CASK: variants seen among roughly 807,000 people sequenced by gnomAD.
CASK encodes calcium/calmodulin dependent serine protein kinase, also known as peripheral plasma membrane protein CASK.
A neutral mutation model predicts 82.9 loss-of-function variants in CASK; 4 were observed. The ratio of observed to expected loss-of-function variants is 0.05; its 90% CI spans 0.02 to 0.11. The LOEUF is 0.11. Among genes scored for constraint, CASK ranks in the 10% least tolerant of loss-of-function variants. The probability of loss-of-function intolerance (pLI) is 1.00; values close to 1 mark genes in which losing one functional copy is unlikely to be tolerated. For synonymous variants in CASK, 259 were observed against 253.5 expected (o/e 1.02, Z -0.20); for missense variants, 358 against 720.9 (o/e 0.50, Z 5.76).
intron 25 of CASK, among the ~76,000 whole-genome samples, chrX:41,525,889 T>C (rs1000228959): frequency 8.9e-6 from 1 of 111,829 alleles, no homozygotes; most frequent in African/African-American, 3.3e-5. Context: ...CATCTTCTTG[T>C]GGGTTGAGGG....
chrX:41,707,105 A>T (rs749771142), intron 5 of CASK, among the ~76,000 whole-genome samples: 1 of 112,167 alleles, frequency 8.9e-6, no homozygotes, highest in African/African-American at 3.2e-5. Context: ...ATTGCCCCCA[A>T]TTCCTGGCCA....
intron 12 of CASK, among the ~76,000 whole-genome samples, chrX:41,602,919 C>G (rs2065913378): frequency 9.0e-6 from 1 of 111,172 alleles, no homozygotes. Context: ...AGTTAGAAAA[C>G]AGTGGAGAGA....
intron 5 of CASK, among the ~76,000 whole-genome samples, chrX:41,686,438 A>G (rs2067442263): frequency 1.1e-5 from 1 of 90,453 alleles, no homozygotes; most frequent in Admixed American, 1.3e-4. Context: ...AGGTTTTGCT[A>G]TGTTGCCCAG....
At chrX:41,873,488 T>C (rs1391716514) in intron 1 of CASK, among the ~76,000 whole-genome samples, 1 of 110,695 alleles carries the variant, frequency 9.0e-6, no homozygotes, top group African/African-American at 3.3e-5. Flanking sequence ...GTAATTAGAG[T>C]TTCCTCAAAC....
At chrX:41,751,954 G>A (rs1325701920) in intron 3 of CASK, among the ~76,000 whole-genome samples, 1 of 108,486 alleles carries the variant, frequency 9.2e-6, no homozygotes, top group African/African-American at 3.4e-5. Flanking sequence ...GCTGAGGTGG[G>A]AGGATCGCTT....
At chrX:41,710,372 T>C (rs1569412874) in intron 5 of CASK, among the ~76,000 whole-genome samples, 1 of 111,022 alleles carries the variant, frequency 9.0e-6, no homozygotes, top group South Asian at 3.8e-4. Flanking sequence ...TCCCCTATTC[T>C]AAACCTGCTA....
intron 5 of CASK, among the ~76,000 whole-genome samples, chrX:41,718,511 T>A (rs2068102822): frequency 8.9e-6 from 1 of 112,075 alleles, no homozygotes; most frequent in African/African-American, 3.2e-5. Flanking sequence ...AGAATAGAAC[T>A]GAATTAGAGG....
chrX:41,783,964 A>G (rs962262911), intron 3 of CASK, among the ~76,000 whole-genome samples: 4 of 112,367 alleles, frequency 3.6e-5, no homozygotes, highest in African/African-American at 1.3e-4. Context: ...AGTCTTTTCA[A>G]CAGCTCTTCT....
At chrX:41,833,058 G>C (rs1480788820) in intron 2 of CASK, among the ~76,000 whole-genome samples, 1 of 112,399 alleles carries the variant, frequency 8.9e-6, no homozygotes, top group Non-Finnish European at 1.9e-5. Flanking sequence ...AGCTGGGAAT[G>C]TGCATGTTGA....
intron 3 of CASK, among the ~76,000 whole-genome samples, chrX:41,754,354 C>A (rs2147759112): frequency 9.0e-6 from 1 of 111,293 alleles, no homozygotes; most frequent in South Asian, 3.8e-4. Context: ...TGAGCCATGA[C>A]TGCACCACTA....
chrX:41,599,495 C>T (rs1183509472), intron 12 of CASK, among the ~76,000 whole-genome samples: 1 of 112,150 alleles, frequency 8.9e-6, no homozygotes, highest in Admixed American at 9.4e-5. Flanking sequence ...AGCAAAAGAA[C>T]CTCTAAGGAG....
intron 1 of CASK, among the ~76,000 whole-genome samples, chrX:41,858,273 C>T (rs978306144): frequency 2.7e-5 from 3 of 112,190 alleles, no homozygotes; most frequent in African/African-American, 9.7e-5. Flanking sequence ...TCCACTGCCA[C>T]GGGCCACCTT....
At position 41,526,375 on chromosome X, in the gene CASK, A is replaced by G. The variant is rs111419984; in HGVS notation, c.2521-2341T>C. Among the ~76,000 whole-genome samples the G allele has an allele frequency of 5.5e-3, 614 of 112,270 alleles. 3 individuals are homozygous for G. The highest frequency in any genetic ancestry group is 0.019 in the African/African-American group (587 of 30,906). On this transcript the variant is annotated intron_variant, in intron 25 of 26. Transcript: ENST00000378163. ...AGCCTGGATGCTGAACGGAACCCAC[A>G]GATGAAGTAGAGAATGACACCCTGG...
At chrX:41,674,483 G>A (rs1390432467) in intron 5 of CASK, among the ~76,000 whole-genome samples, 1 of 111,628 alleles carries the variant, frequency 9.0e-6, no homozygotes, top group African/African-American at 3.3e-5. Context: ...GTCATGACGG[G>A]CCAAGAACAT....
chrX:41,611,092 A>G (rs1426349441), intron 11 of CASK, among the ~76,000 whole-genome samples: 3 of 111,733 alleles, frequency 2.7e-5, no homozygotes, highest in Non-Finnish European at 5.6e-5. Flanking sequence ...AGCTATTGCT[A>G]TCTAGTGGGT....
chrX:41,923,040 G>C lies in CASK; in HGVS notation c.-52C>G. On this transcript the variant is annotated 5_prime_UTR_variant, in exon 1 of 27. Coordinates refer to ENST00000378163, the MANE Select transcript of CASK (RefSeq NM_001367721.1). Reference sequence around the variant, plus strand: ...GTGGAGGGCTTCGAAAACGGGGGTGGGGGCGCCCAAGAGCTCAGTGCCCAG... The same window carrying C: ...GTGGAGGGCTTCGAAAACGGGGGTGCGGGCGCCCAAGAGCTCAGTGCCCAG... 8.9e-7 allele frequency: 1 copy of C among 1,122,350 alleles called. No homozygotes were observed. The highest frequency in any genetic ancestry group is 1.2e-6 in the Non-Finnish European group (1 of 815,445). 92.5% of individuals were successfully genotyped at this position (1,122,350 alleles called of 1,213,427 possible). A position where few individuals can be genotyped will look rare whatever the true frequency, so the allele number is the denominator to read the frequency against.
chrX:41,749,455 A>T (rs1486573026), intron 3 of CASK, among the ~76,000 whole-genome samples: 1 of 82,681 alleles, frequency 1.2e-5, no homozygotes, highest in Non-Finnish European at 2.2e-5. Context: ...GCGCCATCTC[A>T]GCTCACTGCA....
rs975783135 is a variant in CASK at position 41,516,546 on chromosome X, T to C, written c.*3874A>G. On this transcript the variant is annotated 3_prime_UTR_variant, in exon 27 of 27. Coordinates refer to ENST00000378163, the MANE Select transcript of CASK (RefSeq NM_001367721.1). ...GAGGCGCAGAACAAGAAAGCCACGCTCAGGGACCTTTAACTTATTACAGCC... is the reference window on the plus strand; with the variant it reads ...GAGGCGCAGAACAAGAAAGCCACGCCCAGGGACCTTTAACTTATTACAGCC... 8.9e-6 allele frequency: 1 copy of C among 112,407 alleles called. No individual in the cohort carries two copies. The highest frequency in any genetic ancestry group is 1.9e-5 in the Non-Finnish European group (1 of 53,328). The allele number at this position is 112,407 out of a possible 1,213,427, so 9.3% of individuals were successfully genotyped here.
chrX:41,845,210 T>A (rs776878748), intron 2 of CASK, among the ~76,000 whole-genome samples: 2 of 112,061 alleles, frequency 1.8e-5, no homozygotes, highest in Non-Finnish European at 3.8e-5. Context: ...TTTCTAGTGT[T>A]GCCCAAATCT....
Sources: allele counts gnomAD v4.1 joint callset (sites outside exome capture counted in the v4.1 genomes callset), GRCh38; gene constraint gnomAD v4.1.1; transcripts MANE v1.5; gene names NCBI Gene and HGNC (gene_info 2026-07-23, HGNC 2026-07-21).